Variants in SLC39A10 observed in about 807,000 individuals in gnomAD.
SLC39A10 encodes solute carrier family 39 member 10.
In SLC39A10, 13 loss-of-function variants were observed where a neutral mutation model predicts 65.1. That is an observed-to-expected ratio of 0.20 (90% CI 0.13 to 0.32). The LOEUF is 0.32. Among genes scored for constraint, SLC39A10 ranks in the 10% least tolerant of loss-of-function variants. SLC39A10 has a pLI of 1.00. For missense variants in SLC39A10, 831 were observed against 1,018.4 expected (o/e 0.82, Z 2.50); for synonymous variants, 321 against 342.2 (o/e 0.94, Z 0.68).
At chr2:195,632,290 C>CTTTTTTTTTTTTTT (rs202193660) in intron 2 of SLC39A10, among the ~76,000 whole-genome samples, 7 of 69,254 alleles carry the variant, frequency 1.0e-4, no homozygotes, top group African/African-American at 4.4e-4. Context: ...ATTCTACTTC[C>CTTTTTTTTTTTTTT]TTTTTTTTTT....
At chr2:195,657,659 G>A in intron 1 of SLC39A10, 1 of 982,764 alleles carries the variant, frequency 1.0e-6, no homozygotes, top group African/African-American at 1.7e-5. Flanking sequence ...TGACCGCTGG[G>A]CGGGTGGCGG....
chr2:195,623,450 G>T (rs1688392031), intron 2 of SLC39A10, among the ~76,000 whole-genome samples: 1 of 152,054 alleles, frequency 6.6e-6, no homozygotes, highest in Non-Finnish European at 1.5e-5. Flanking sequence ...ATACATTCTT[G>T]CACTAGAAGT....
intron 2 of SLC39A10, among the ~76,000 whole-genome samples, chr2:195,638,471 C>G (rs781500728): frequency 9.2e-5 from 14 of 152,034 alleles, no homozygotes; most frequent in Non-Finnish European, 1.3e-4. Context: ...TCCCGAGTAG[C>G]TGAGACTACA....
intron 2 of SLC39A10, among the ~76,000 whole-genome samples, chr2:195,636,724 G>A (rs574898344): frequency 6.6e-6 from 1 of 152,210 alleles, no homozygotes; most frequent in Admixed American, 6.5e-5. Context: ...CTGCACTCCA[G>A]CCTGGGCGAC....
chr2:195,705,717 A>C (rs1408414408), intron 3 of SLC39A10, among the ~76,000 whole-genome samples: 2 of 152,208 alleles, frequency 1.3e-5, no homozygotes, highest in Non-Finnish European at 2.9e-5. Context: ...TTTTCTGTAG[A>C]TAGATCTTAA....
Position 195,617,704 on chromosome 2 carries a change from C to A in SLC39A10, c.-12+11471C>A, listed in dbSNP as rs1214687251. Among the ~76,000 whole-genome samples the A allele has an allele frequency of 8.1e-4, 112 of 138,130 alleles. 1 individual carries two copies. The highest frequency in any genetic ancestry group is 3.8e-3 in the Middle Eastern group (1 of 266). The allele number at this position is 138,130 out of a possible 152,430, so 90.6% of individuals were successfully genotyped here. ...TAGGCAACATAGTGAGACCTTGTTT[C>A]TTTTCTTTTCTTTTCTTTTCTTTTA... On this transcript the variant is annotated intron_variant, in intron 2 of 2. Transcript: ENST00000458054.
intron 2 of SLC39A10, among the ~76,000 whole-genome samples, chr2:195,639,360 G>A (rs1018621840): frequency 9.2e-5 from 14 of 152,250 alleles, no homozygotes; most frequent in African/African-American, 3.4e-4. Flanking sequence ...GACCACAGGG[G>A]TAAACTGCCA....
At position 195,716,637 on chromosome 2, in the gene SLC39A10, G is replaced by A; in HGVS notation, c.1697G>A (p.Gly566Glu). 1.3e-6 allele frequency: 2 copies of A among 1,595,352 alleles called. No homozygotes were observed. The highest frequency in any genetic ancestry group is 8.5e-7 in the Non-Finnish European group (1 of 1,172,330). ...AGCATATCCTTTGCTATAAATACAG[G>A]AACTGATGACTCGGTTGTTTCTGAA... ...SDWLQLKPLAGTDDSVVSEDR... is the reference protein window; with the variant it reads ...SDWLQLKPLAETDDSVVSEDR... Residue 566 changes from glycine (G) to glutamate (E), a missense_variant and splice_region_variant, in exon 7 of 10, where the codon GGA (glycine) becomes GAA (glutamate). Physicochemically the swap from Gly to Glu is moderately conservative, Grantham distance 98. Transcript: ENST00000359634.
At chr2:195,666,691 G>T (rs1426604874) in intron 1 of SLC39A10, among the ~76,000 whole-genome samples, 1 of 152,108 alleles carries the variant, frequency 6.6e-6, no homozygotes, top group Non-Finnish European at 1.5e-5. Flanking sequence ...CAAATTCCTG[G>T]GCTCAAGCCA....
At chr2:195,700,531 C>G (rs1691136947) in intron 3 of SLC39A10, among the ~76,000 whole-genome samples, 1 of 152,082 alleles carries the variant, frequency 6.6e-6, no homozygotes, top group African/African-American at 2.4e-5. Flanking sequence ...CACCTTTCTC[C>G]ACACCTTTCA....
At chr2:195,640,165 C>T (rs1303461074) in intron 2 of SLC39A10, among the ~76,000 whole-genome samples, 1 of 151,860 alleles carries the variant, frequency 6.6e-6, no homozygotes, top group Admixed American at 6.6e-5. Flanking sequence ...CATAACAGTA[C>T]GTTGAGAAGT....
At chr2:195,699,526 A>G (rs1691098291) in intron 3 of SLC39A10, among the ~76,000 whole-genome samples, 1 of 151,968 alleles carries the variant, frequency 6.6e-6, no homozygotes, top group Non-Finnish European at 1.5e-5. Flanking sequence ...TGTCCCTTGT[A>G]ATTTCTTCCT....
chr2:195,717,628 C>T (rs1691867649), intron 7 of SLC39A10, among the ~76,000 whole-genome samples: 1 of 151,938 alleles, frequency 6.6e-6, no homozygotes, highest in South Asian at 2.1e-4. Flanking sequence ...ATATGCTTCC[C>T]AGGCTGGTCT....
Position 195,730,012 on chromosome 2 carries a change from C to T in SLC39A10, c.2337+1663C>T, listed in dbSNP as rs75987218. ...TAGACACGGAGTCTCACTATATTGC[C>T]CAGGCTGGTCTTGAATGCCTGGCCT... On this transcript the variant is annotated intron_variant, in intron 9 of 9. Transcript: ENST00000359634. Among the ~76,000 whole-genome samples the T allele has an allele frequency of 2.5e-3, 314 of 124,798 alleles. 3 individuals are homozygous for T. The highest frequency in any genetic ancestry group is 9.3e-3 in the African/African-American group (301 of 32,432). The allele number at this position is 124,798 out of a possible 152,430, so 81.9% of individuals were successfully genotyped here.
intron 8 of SLC39A10, among the ~76,000 whole-genome samples, chr2:195,722,112 G>A (rs1259935970): frequency 6.6e-6 from 1 of 152,168 alleles, no homozygotes; most frequent in Non-Finnish European, 1.5e-5. Flanking sequence ...ACTCTGCTTG[G>A]ACCAGGAACC....
intron 6 of SLC39A10, among the ~76,000 whole-genome samples, chr2:195,714,071 C>T (rs1234753704): frequency 9.2e-5 from 14 of 152,158 alleles, no homozygotes; most frequent in Non-Finnish European, 1.8e-4. Flanking sequence ...GGACTACAGG[C>T]GCCCACCACC....
intron 7 of SLC39A10, 190 bp downstream of exon 7, chr2:195,717,195 G>T: frequency 1.7e-6 from 1 of 598,800 alleles, no homozygotes; most frequent in South Asian, 3.0e-5. Context: ...GGGTTTTTTA[G>T]AACACGTAAA....
At chr2:195,630,321 G>A (rs1003015273) in intron 2 of SLC39A10, among the ~76,000 whole-genome samples, 1 of 152,046 alleles carries the variant, frequency 6.6e-6, no homozygotes, top group African/African-American at 2.4e-5. Flanking sequence ...TTATTATAAA[G>A]GATACAGATG....
chr2:195,697,695 C>T (rs1041750915), intron 3 of SLC39A10, among the ~76,000 whole-genome samples: 1 of 152,196 alleles, frequency 6.6e-6, no homozygotes, highest in African/African-American at 2.4e-5. Context: ...GCTCTAATCT[C>T]CAGCATCTAT....
Sources: gnomAD v4.1 joint callset for allele counts (sites outside exome capture counted in the v4.1 genomes callset) on GRCh38, gnomAD v4.1.1 for gene constraint, MANE v1.5 for transcripts, NCBI Gene and HGNC (gene_info 2026-07-23, HGNC 2026-07-21) for gene names.